DSC1: variants seen among roughly 807,000 people sequenced by gnomAD.
DSC1 encodes the protein desmocollin 1.
A neutral mutation model predicts 98.8 loss-of-function variants in DSC1; 79 were observed. The observed-to-expected ratio is 0.80, with a 90% CI of 0.67 to 0.96. The LOEUF is 0.96. Among genes scored for constraint, DSC1 ranks in the 50% least tolerant of loss-of-function variants. DSC1 has a pLI of 0.00. For synonymous variants in DSC1, 405 were observed against 372.1 expected (o/e 1.09, Z -1.02); for missense variants, 1,115 against 1,075.9 (o/e 1.04, Z -0.51).
rs565353485 is a variant in DSC1, at chr18:31,132,191, A to C, written c.2239-349T>G. ...GGACACAGACATGCACACATGGAGA[A>C]TCGCCATATGAAGATTTGATTTCCA... is the stretch of plus-strand genomic sequence containing the variant. On this transcript the variant is annotated intron_variant, in intron 14 of 15. Coordinates refer to ENST00000257198, the MANE Select transcript of DSC1 (RefSeq NM_024421.2). 2.5e-5 allele frequency: 9 copies of C among 359,032 alleles called. No individual in the cohort carries two copies. The East Asian group carries it at 5.8e-4, about 23-fold the overall frequency. The allele number at this position is 359,032 out of a possible 1,614,324, so 22.2% of individuals were successfully genotyped here. A position where few individuals can be genotyped will look rare whatever the true frequency, so the allele number is the denominator to read the frequency against.
chr18:31,156,273 C>T, intron 3 of DSC1, 111 bp from the exon 4 acceptor site: 1 of 1,295,582 alleles, frequency 7.7e-7, no homozygotes, highest in South Asian at 1.4e-5. Flanking sequence ...ATTACAATAT[C>T]ATGGCTAGTC....
chr18:31,130,685 C>T lies in DSC1; in HGVS notation c.2514G>A (p.Glu838=), dbSNP rs764373336. The change falls in exon 16 of 16, where the codon GAG becomes GAA. Residue 838 remains glutamate (E), a synonymous_variant. Coordinates refer to ENST00000257198, the MANE Select transcript of DSC1 (RefSeq NM_024421.2). ...CGTAGTCTTCACAATGTTTATGCTC[C>T]TCATCTTGTCCACACAAATACACCT... ...GEKVYLCGQD[E]EHKHCEDYVC... 5.6e-6 allele frequency: 9 copies of T among 1,613,966 alleles called. No homozygotes were observed. The Admixed American group carries it at 6.7e-5, about 12-fold the overall frequency.
chr18:31,161,489 C>T (rs184716540), intron 1 of DSC1, among the ~76,000 whole-genome samples: 3 of 152,252 alleles, frequency 2.0e-5, no homozygotes, highest in Admixed American at 2.0e-4. Flanking sequence ...CCTCTGCAGG[C>T]AGAGCCACTG....
chr18:31,146,499 G>A (rs1006818515), intron 6 of DSC1, among the ~76,000 whole-genome samples: 4 of 152,250 alleles, frequency 2.6e-5, no homozygotes, highest in Admixed American at 6.5e-5. Context: ...TGAAGGGCAC[G>A]TGGATTCATT....
At chr18:31,137,270 C>T (rs907310326) in intron 11 of DSC1, among the ~76,000 whole-genome samples, 3 of 152,142 alleles carry the variant, frequency 2.0e-5, no homozygotes, top group African/African-American at 7.2e-5. Flanking sequence ...AAATGTTTGC[C>T]ACTTGTACAT....
Position 31,157,413 on chromosome 18 carries a change from TTCCC to T in DSC1, c.305_308del (p.Arg102HisfsTer5). On this transcript the variant is annotated frameshift_variant, in exon 3 of 16. Coordinates refer to ENST00000257198, the MANE Select transcript of DSC1 (RefSeq NM_024421.2). LOFTEE classifies it high-confidence loss of function. ...ACAGTACAACTTTTATCTCTTGTTG[TTCCC>T]GTCTCTGACCATCTGAAAGGAAAAT... 1.2e-6 allele frequency: 2 copies of T among 1,614,212 alleles called. No individual in the cohort carries two copies. The highest frequency in any genetic ancestry group is 1.7e-6 in the Non-Finnish European group (2 of 1,180,022).
rs778646260 is a variant in DSC1, at chr18:31,132,222, A to G, written c.2238+346T>C. ...ATATGAAGATTTGATTTCCACTGCCATAAGCCAGGGAATTGGCAGAAGCTA... is the reference window on the plus strand; with the variant it reads ...ATATGAAGATTTGATTTCCACTGCCGTAAGCCAGGGAATTGGCAGAAGCTA... On this transcript the variant is annotated intron_variant, in intron 14 of 15. Transcript: ENST00000257198. 7.0e-4 allele frequency: 244 copies of G among 349,354 alleles called. 1 individual carries two copies. The highest frequency in any genetic ancestry group is 1.1e-3 in the Non-Finnish European group (213 of 188,664). 21.6% of individuals were successfully genotyped at this position (349,354 alleles called of 1,614,324 possible). A position where few individuals can be genotyped will look rare whatever the true frequency, so the allele number is the denominator to read the frequency against.
In DSC1 at chr18:31,154,800, C is replaced by G; in HGVS notation, c.601G>C (p.Asp201His). Residue 201 changes from aspartate to histidine, a missense_variant, in exon 5 of 16, where the codon GAC becomes CAC. Coordinates refer to ENST00000257198, the MANE Select transcript of DSC1 (RefSeq NM_024421.2). ...TGDIFCTRSIDREKYEQFALY... is the reference protein window; with the variant it reads ...TGDIFCTRSIHREKYEQFALY... ...GCAAACTGTTCATATTTCTCACGGT[C>G]AATGCTCCTTGTACAAAAGATATCC... 1 of 1,613,374 alleles carries G rather than the reference C, an allele frequency of 6.2e-7. No homozygotes were observed. Among genetic ancestry groups the G allele is most frequent in the Non-Finnish European group, 8.5e-7 (1 of 1,179,662 alleles).
rs1295921568 is a variant in DSC1, at chr18:31,140,314, C to T, written c.1261-13G>A. 4 of 1,612,564 alleles carry T rather than the reference C, an allele frequency of 2.5e-6. No homozygotes were observed. The highest frequency in any genetic ancestry group is 3.4e-6 in the Non-Finnish European group (4 of 1,179,020). On this transcript the variant is annotated splice_polypyrimidine_tract_variant and intron_variant, in intron 9 of 15. Transcript: ENST00000257198. ...CATAGTTCAATGGCTGTTAAATAAG[C>T]ATACTTTAATAAGTCAATATATAAC...
chr18:31,129,640 G>T lies in DSC1; in HGVS notation c.*874C>A, dbSNP rs1208932103. ...GCAGGTGGCAACCACAGATAAGGCA[G>T]GCCTATGTCAAACTCAAGAGTGAAT... On this transcript the variant is annotated 3_prime_UTR_variant, in exon 16 of 16. Coordinates refer to ENST00000257198, the MANE Select transcript of DSC1 (RefSeq NM_024421.2). 1 of 152,064 alleles carries T rather than the reference G, an allele frequency of 6.6e-6. No individual in the cohort carries two copies. Among genetic ancestry groups the T allele is most frequent in the Non-Finnish European group, 1.5e-5 (1 of 68,034 alleles). 9.4% of individuals were successfully genotyped at this position (152,064 alleles called of 1,614,324 possible).
Position 31,134,571 on chromosome 18 carries a change from C to T in DSC1, c.1876+1G>A. 6.2e-7 allele frequency: 1 copy of T among 1,604,194 alleles called. No homozygotes were observed. The highest frequency in any genetic ancestry group is 8.5e-7 in the Non-Finnish European group (1 of 1,173,728). ...CTATAAAATTTAGCATGATTACATA[C>T]CATCCTTTTCTTCTATGTTCCAGTT... On this transcript the variant is annotated splice_donor_variant, in intron 12 of 15. Coordinates refer to ENST00000257198, the MANE Select transcript of DSC1 (RefSeq NM_024421.2). LOFTEE classifies it high-confidence loss of function.
chr18:31,148,195 C>T (rs760485245), intron 6 of DSC1, among the ~76,000 whole-genome samples: 1 of 152,064 alleles, frequency 6.6e-6, no homozygotes, highest in Non-Finnish European at 1.5e-5. Flanking sequence ...AACAACCCCA[C>T]CCTGGAGAGA....
Position 31,157,368 on chromosome 18 carries a change from T to C in DSC1, c.351+3A>G, listed in dbSNP as rs778438735. On this transcript the variant is annotated splice_donor_region_variant and intron_variant, in intron 3 of 15. Coordinates refer to ENST00000257198, the MANE Select transcript of DSC1 (RefSeq NM_024421.2). ...CTAGGCTGCTTAAGCCCTTGCCTTA[T>C]ACCTTGTTTTCTCTTGCTGACAGTA... 1.9e-6 allele frequency: 3 copies of C among 1,614,076 alleles called. No homozygotes were observed. Among genetic ancestry groups the C allele is most frequent in the South Asian group, 1.1e-5 (1 of 91,054 alleles).
intron 3 of DSC1, among the ~76,000 whole-genome samples, chr18:31,157,116 G>A (rs556180171): frequency 1.3e-5 from 2 of 152,258 alleles, no homozygotes; most frequent in Admixed American, 6.5e-5. Context: ...TCCCAAACTT[G>A]AAATCACTAT....
intron 3 of DSC1, among the ~76,000 whole-genome samples, chr18:31,156,487 G>A (rs2143929867): frequency 6.6e-6 from 1 of 152,210 alleles, no homozygotes; most frequent in South Asian, 2.1e-4. Context: ...TATTCCACTA[G>A]GACTGGCACA....
intron 5 of DSC1, 149 bp from the exon 6 acceptor site, chr18:31,148,791 C>A: frequency 1.4e-6 from 1 of 700,270 alleles, no homozygotes; most frequent in South Asian, 2.9e-5. Flanking sequence ...AGAGATAACC[C>A]ACAGATGCAG....
chr18:31,132,631 T>C lies in DSC1; in HGVS notation c.2175A>G (p.Pro725=), dbSNP rs200635848. 10 of 1,613,604 alleles carry C rather than the reference T, an allele frequency of 6.2e-6. No homozygotes were observed. Among genetic ancestry groups the C allele is most frequent in the African/African-American group, 1.3e-5 (1 of 75,010 alleles). ...TAKRTVKKCF[P]EDIAQQNLIV... ...TTAAATTTTGCTGGGCTATGTCTTC[T>C]GGAAAACATTTCTTGACTGTTCTCT... is the stretch of plus-strand genomic sequence containing the variant. The change falls in exon 14 of 16, where the codon CCA becomes CCG. Residue 725 remains proline, a synonymous_variant. Coordinates refer to ENST00000257198, the MANE Select transcript of DSC1 (RefSeq NM_024421.2).
chr18:31,148,460 T>C (rs756944364), intron 6 of DSC1, 38 bp downstream of exon 6: 6 of 1,536,964 alleles, frequency 3.9e-6, no homozygotes, highest in East Asian at 2.3e-5. Context: ...AAATGTCAAA[T>C]AGTCTTCTTG....
Position 31,145,718 on chromosome 18 carries a change from G to A in DSC1, c.832C>T (p.Arg278Cys). Residue 278 changes from arginine to cysteine, a missense_variant, in exon 7 of 16, where the codon CGT becomes TGT. By Grantham distance (180) the Arg-to-Cys change is radical (BLOSUM62 -3). Transcript: ENST00000257198. ...DLDEPDTLHT[R>C]LKYKILQQIP... is the part of the protein sequence containing the mutation. ...TGTTGTAAGATTTTATATTTCAGACGAGTATGGAGAGTGTCAGGTTCGTCA... is the reference window on the plus strand; with the variant it reads ...TGTTGTAAGATTTTATATTTCAGACAAGTATGGAGAGTGTCAGGTTCGTCA... 2.5e-6 allele frequency: 4 copies of A among 1,614,166 alleles called. No individual in the cohort carries two copies. Among genetic ancestry groups the A allele is most frequent in the African/African-American group, 1.3e-5 (1 of 75,046 alleles).
Sources: gnomAD v4.1 joint callset for allele counts (sites outside exome capture counted in the v4.1 genomes callset) on GRCh38, gnomAD v4.1.1 for gene constraint, MANE v1.5 for transcripts, NCBI Gene and HGNC (gene_info 2026-07-23, HGNC 2026-07-21) for gene names.